The following AGBL2 variants were observed in gnomAD, a reference collection of about 807,000 sequenced individuals.
AGBL2 encodes cytosolic carboxypeptidase 2.
AGBL2 carries 87 observed loss-of-function variants against 103.0 expected under a neutral mutation model. The observed-to-expected ratio is 0.84, with a 90% CI of 0.71 to 1.01. AGBL2 has a LOEUF of 1.01. Ranked by LOEUF, AGBL2 falls within the 50% of genes least tolerant of loss-of-function variation. The pLI, the probability that AGBL2 is intolerant of heterozygous loss-of-function variation, is 0.00. For missense variants in AGBL2, 904 were observed against 1,023.5 expected (o/e 0.88, Z 1.59); for synonymous variants, 335 against 356.7 (o/e 0.94, Z 0.69).
chr11:47,691,511 T>A (rs2097445186), intron 9 of AGBL2, among the ~76,000 whole-genome samples: 1 of 148,422 alleles, frequency 6.7e-6, no homozygotes, highest in Non-Finnish European at 1.5e-5. Flanking sequence ...ATCGAGACCA[T>A]CCTGGCTAAC....
At chr11:47,669,007 A>G in intron 14 of AGBL2, 100 bp from the exon 15 acceptor site, 1 of 773,344 alleles carries the variant, frequency 1.3e-6, no homozygotes, top group Admixed American at 2.0e-5. Context: ...GGATTAGGAT[A>G]TCTTCTAGTC....
At chr11:47,669,129 G>A (rs2097349611) in intron 14 of AGBL2, among the ~76,000 whole-genome samples, 1 of 152,086 alleles carries the variant, frequency 6.6e-6, no homozygotes, top group African/African-American at 2.4e-5. Context: ...GTGCAGTACT[G>A]TGATCATAGA....
chr11:47,666,599 T>A (rs1379551397), intron 17 of AGBL2: 1 of 501,578 alleles, frequency 2.0e-6, no homozygotes, highest in African/African-American at 2.0e-5. Context: ...CAGCATCCAG[T>A]AAAGGGACTG....
chr11:47,714,978 C>A lies in AGBL2; in HGVS notation c.-101+197G>T, dbSNP rs2097545797. On this transcript the variant is annotated intron_variant, in intron 1 of 18. Transcript: ENST00000525123. ...TTCCCTTTCCCTGAGAAAGGAGATG[C>A]TCGCCACAGGAAAGTGAAAGAAATG... The A allele has an allele frequency of 1.5e-5, 5 of 344,526 alleles. No homozygotes were observed. The South Asian group carries it at 1.5e-4, about 11-fold the overall frequency. The allele number at this position is 344,526 out of a possible 1,614,324, so 21.3% of individuals were successfully genotyped here.
intron 17 of AGBL2, chr11:47,666,492 C>T (rs190991924): frequency 1.9e-4 from 54 of 284,564 alleles, no homozygotes; most frequent in Admixed American, 3.0e-4. Flanking sequence ...CCACTGCATC[C>T]TACTCTGTGA....
intron 15 of AGBL2, 139 bp downstream of exon 15, chr11:47,668,702 A>G: frequency 1.7e-6 from 1 of 605,676 alleles, no homozygotes; most frequent in South Asian, 2.2e-5. Context: ...AAGAGACTTT[A>G]GGGCAAGGTG....
intron 13 of AGBL2, among the ~76,000 whole-genome samples, chr11:47,677,841 C>T (rs1468989981): frequency 6.6e-6 from 1 of 152,008 alleles, no homozygotes; most frequent in Admixed American, 6.6e-5. Context: ...TAACCTGCAC[C>T]CCTGCTAGTA....
intron 8 of AGBL2, among the ~76,000 whole-genome samples, chr11:47,693,508 C>T (rs991631170): frequency 7.4e-5 from 11 of 148,898 alleles, no homozygotes; most frequent in African/African-American, 2.7e-4. Flanking sequence ...AGTCTTGGCA[C>T]CCTTGTCAAA....
At chr11:47,681,577 C>T (rs2097401335) in intron 12 of AGBL2, among the ~76,000 whole-genome samples, 1 of 152,172 alleles carries the variant, frequency 6.6e-6, no homozygotes, top group Non-Finnish European at 1.5e-5. Context: ...AAGCGATTCT[C>T]CTGCCTCAAC....
chr11:47,686,459 T>G (rs541893026), intron 10 of AGBL2, among the ~76,000 whole-genome samples: 23 of 149,002 alleles, frequency 1.5e-4, no homozygotes, highest in Admixed American at 2.7e-4. Flanking sequence ...TTTTTTTTTT[T>G]TTTTTTTTTT....
rs1046783961 is a variant in AGBL2, at chr11:47,690,031, G to A, written c.1631+45C>T. 5 of 1,510,036 alleles carry A rather than the reference G, an allele frequency of 3.3e-6. No individual in the cohort carries two copies. In the African/African-American group the frequency reaches 7.0e-5, roughly 21 times the overall value. 93.5% of individuals were successfully genotyped at this position (1,510,036 alleles called of 1,614,324 possible). A position where few individuals can be genotyped will look rare whatever the true frequency, so the allele number is the denominator to read the frequency against. On this transcript the variant is annotated intron_variant, in intron 10 of 18. Transcript: ENST00000525123. ...CATCAGGTAGGGATATCTGGTGCTA[G>A]GACTCATAGCAGTCACAGAAAGATC... is the stretch of plus-strand genomic sequence containing the variant.
intron 8 of AGBL2, 28 bp from the exon 9 acceptor site, chr11:47,692,284 G>A: frequency 6.2e-7 from 1 of 1,606,070 alleles, no homozygotes; most frequent in Non-Finnish European, 8.5e-7. Context: ...ATTTAGGCTA[G>A]GTTCTACTCA....
rs772269136 is a variant in AGBL2, at chr11:47,682,096, C to T, written c.1789-1G>A. ...TAAAATTACAACTGTGAAAAGAGAA[C>T]TAAAAAGAAATCCAAATTTTCTGTT... On this transcript the variant is annotated splice_acceptor_variant, in intron 11 of 18. Transcript: ENST00000525123. LOFTEE classifies it high-confidence loss of function. The T allele has an allele frequency of 7.4e-6, 12 of 1,612,236 alleles. No individual in the cohort carries two copies. Among genetic ancestry groups the T allele is most frequent in the Non-Finnish European group, 6.8e-6 (8 of 1,179,332 alleles).
chr11:47,705,656 A>T, intron 5 of AGBL2, 22 bp from the exon 6 acceptor site: 1 of 563,424 alleles, frequency 1.8e-6, no homozygotes. Flanking sequence ...AAAAAAAAAA[A>T]AGAAAAAGAA....
intron 7 of AGBL2, among the ~76,000 whole-genome samples, chr11:47,702,504 C>T (rs2097502868): frequency 6.6e-6 from 1 of 152,122 alleles, no homozygotes; most frequent in African/African-American, 2.4e-5. Flanking sequence ...CTCATCACTA[C>T]TATCTCTAGC....
In AGBL2 at chr11:47,714,543, C is replaced by A; in HGVS notation, c.33+75G>T. The A allele has an allele frequency of 2.7e-6, 4 of 1,499,608 alleles. No individual in the cohort carries two copies. In the South Asian group the frequency reaches 4.5e-5, roughly 17 times the overall value. 92.9% of individuals were successfully genotyped at this position (1,499,608 alleles called of 1,614,324 possible). A position where few individuals can be genotyped will look rare whatever the true frequency, so the allele number is the denominator to read the frequency against. On this transcript the variant is annotated intron_variant, in intron 2 of 18. Transcript: ENST00000525123. Reference sequence around the variant, plus strand: ...CAGAACATCCCTTCTCATCTAGTAGCAGATTTCTGTGGAGTTCCCGAAGAA... The same window carrying A: ...CAGAACATCCCTTCTCATCTAGTAGAAGATTTCTGTGGAGTTCCCGAAGAA...
chr11:47,679,514 C>A (rs1293118746), intron 13 of AGBL2, among the ~76,000 whole-genome samples: 1 of 152,008 alleles, frequency 6.6e-6, no homozygotes, highest in East Asian at 1.9e-4. Context: ...AGACAGTATG[C>A]AGTCTGGGGG....
intron 8 of AGBL2, among the ~76,000 whole-genome samples, chr11:47,697,621 C>T (rs1252025333): frequency 7.1e-6 from 1 of 140,514 alleles, no homozygotes; most frequent in Non-Finnish European, 1.5e-5. Flanking sequence ...TCTTGGCTCA[C>T]TGCAAGCTGT....
At chr11:47,682,184 T>C in intron 11 of AGBL2, 89 bp from the exon 12 acceptor site, 1 of 1,304,648 alleles carries the variant, frequency 7.7e-7, no homozygotes, top group East Asian at 2.5e-5. Context: ...AATAATTTCC[T>C]TGGGGTCCAT....
Sources: gnomAD v4.1 joint callset for allele counts (sites outside exome capture counted in the v4.1 genomes callset) on GRCh38, gnomAD v4.1.1 for gene constraint, MANE v1.5 for transcripts, NCBI Gene and HGNC (gene_info 2026-07-23, HGNC 2026-07-21) for gene names.